RIMKLB: variants seen among roughly 807,000 people sequenced by gnomAD.
The protein encoded by RIMKLB is ribosomal modification protein rimK like family member B.
Under a neutral mutation model 32.0 loss-of-function variants are expected in RIMKLB, and 7 were observed. That is an observed-to-expected ratio of 0.22 (90% CI 0.12 to 0.41). The LOEUF (loss-of-function observed/expected upper bound fraction) is 0.41, where lower values mean the gene tolerates loss of function less well. Ranked by LOEUF, RIMKLB falls within the 10% of genes least tolerant of loss-of-function variation. The pLI is 1.00. For missense variants in RIMKLB, 289 were observed against 498.7 expected, an observed-to-expected ratio of 0.58 and a Z score of 4.00; for synonymous variants, 172 against 185.1, an observed-to-expected ratio of 0.93 and a Z score of 0.57.
At chr12:8,695,201 C>T (rs12319521), upstream of RIMKLB, among the ~76,000 whole-genome samples, 1 of 102,178 alleles carries the variant, frequency 9.8e-6, no homozygotes, top group Non-Finnish European at 2.3e-5. Flanking sequence ...GCCCCCCCGC[C>T]CCGCCCCGCC....
At chr12:8,777,991 A>G (rs1950831258), downstream of RIMKLB, among the ~76,000 whole-genome samples, 1 of 152,228 alleles carries the variant, frequency 6.6e-6, no homozygotes, top group Admixed American at 6.5e-5. Flanking sequence ...TGACTTGGTT[A>G]TGATATACTC....
chr12:8,718,772 C>G (rs1324846938), intron 2 of RIMKLB, among the ~76,000 whole-genome samples: 1 of 151,334 alleles, frequency 6.6e-6, no homozygotes, highest in Non-Finnish European at 1.5e-5. Context: ...ACAGGGATCT[C>G]CTATGTATCC....
intron 2 of RIMKLB, among the ~76,000 whole-genome samples, chr12:8,717,059 T>C (rs1200807735): frequency 7.1e-6 from 1 of 141,574 alleles, no homozygotes; most frequent in Non-Finnish European, 1.5e-5. Context: ...GGGTTTTTCT[T>C]TTTTTTTTTT....
chr12:8,711,723 GGATA>G (rs1229165816), intron 1 of RIMKLB, among the ~76,000 whole-genome samples: 11 of 151,528 alleles, frequency 7.3e-5, no homozygotes, highest in Non-Finnish European at 1.5e-4. Flanking sequence ...GGGGAGCTGG[GGATA>G]TTCTACGTCA....
chr12:8,711,668 C>G (rs750987802), intron 1 of RIMKLB, among the ~76,000 whole-genome samples: 20 of 151,602 alleles, frequency 1.3e-4, no homozygotes, highest in African/African-American at 4.4e-4. Flanking sequence ...ATCCCTCCCC[C>G]CTCCCCCAAA....
intron 1 of RIMKLB, chr12:8,681,865 A>C (rs967075873): frequency 6.6e-6 from 1 of 152,170 alleles, no homozygotes; most frequent in Non-Finnish European, 1.5e-5. Context: ...CTAGCAAATG[A>C]TGGAACTCAA....
At chr12:8,681,935 C>CA (rs1401571420) in intron 1 of RIMKLB, 1 of 152,134 alleles carries the variant, frequency 6.6e-6, no homozygotes, top group Non-Finnish European at 1.5e-5. Context: ...CCGGGACTTT[C>CA]AACTGGCATC....
intron 3 of RIMKLB, among the ~76,000 whole-genome samples, chr12:8,751,320 C>G (rs1032570674): frequency 1.3e-5 from 2 of 152,162 alleles, no homozygotes; most frequent in South Asian, 2.1e-4. Flanking sequence ...GGACTTTTTC[C>G]TGTCTCAGCT....
chr12:8,763,001 G>C (rs1425407278), intron 5 of RIMKLB, among the ~76,000 whole-genome samples: 1 of 152,206 alleles, frequency 6.6e-6, no homozygotes, highest in African/African-American at 2.4e-5. Flanking sequence ...TGCAGCACTG[G>C]CTCTTTAATA....
intron 2 of RIMKLB, among the ~76,000 whole-genome samples, chr12:8,721,498 C>T (rs1591737190): frequency 6.6e-6 from 1 of 152,166 alleles, no homozygotes; most frequent in Non-Finnish European, 1.5e-5. Context: ...ATTGGAATGA[C>T]CATTTGGTCA....
intron 2 of RIMKLB, among the ~76,000 whole-genome samples, chr12:8,716,749 T>TA (rs1491460996): frequency 1.4e-5 from 2 of 140,128 alleles, no homozygotes; most frequent in Admixed American, 1.4e-4. Context: ...TTTTTTTTTT[T>TA]ACTTTGAGAC....
intron 2 of RIMKLB, among the ~76,000 whole-genome samples, chr12:8,731,098 CTT>C (rs1565588955): frequency 7.3e-6 from 1 of 136,760 alleles, no homozygotes; most frequent in African/African-American, 3.1e-5. Flanking sequence ...CACTGTTTCT[CTT>C]TTTCTTTTTC....
intron 2 of RIMKLB, among the ~76,000 whole-genome samples, chr12:8,731,359 A>G (rs769818012): frequency 1.3e-5 from 2 of 152,122 alleles, no homozygotes; most frequent in South Asian, 4.1e-4. Flanking sequence ...CGGCCTCCCA[A>G]AGTGCTGGGA....
intron 2 of RIMKLB, among the ~76,000 whole-genome samples, chr12:8,735,386 T>TGCCCA (rs1206268642): frequency 1.1e-4 from 16 of 152,160 alleles, no homozygotes; most frequent in Non-Finnish European, 1.5e-5. Context: ...CACACCACCA[T>TGCCCA]GCCCAGCTAA....
downstream of RIMKLB, among the ~76,000 whole-genome samples, chr12:8,781,131 A>C (rs1019367069): frequency 6.6e-6 from 1 of 152,232 alleles, no homozygotes; most frequent in Non-Finnish European, 1.5e-5. Context: ...ACCTGAGGTC[A>C]GGAGTTCAAA....
At chr12:8,760,158 T>C (rs1005315180) in intron 5 of RIMKLB, among the ~76,000 whole-genome samples, 1 of 151,940 alleles carries the variant, frequency 6.6e-6, no homozygotes, top group African/African-American at 2.4e-5. Context: ...AGTGTTCTCA[T>C]TGTTCAATTC....
intron 1 of RIMKLB, among the ~76,000 whole-genome samples, chr12:8,701,345 T>C (rs1276854605): frequency 1.3e-5 from 2 of 152,106 alleles, no homozygotes; most frequent in Non-Finnish European, 2.9e-5. Context: ...TGTGTACATG[T>C]TAGGTTTGTA....
At chr12:8,767,291 A>G (rs1208239945) in intron 5 of RIMKLB, among the ~76,000 whole-genome samples, 2 of 152,006 alleles carry the variant, frequency 1.3e-5, no homozygotes, top group East Asian at 1.9e-4. Context: ...GGCCCTGGCA[A>G]GGGTGGTGGG....
At chr12:8,736,875 G>C (rs367696243) in intron 2 of RIMKLB, among the ~76,000 whole-genome samples, 1 of 152,098 alleles carries the variant, frequency 6.6e-6, no homozygotes, top group Non-Finnish European at 1.5e-5. Flanking sequence ...GCAATGGCAC[G>C]ATCTCTGCTC....
Sources: allele counts gnomAD v4.1 joint callset (sites outside exome capture counted in the v4.1 genomes callset), GRCh38; gene constraint gnomAD v4.1.1; transcripts MANE v1.5; gene names NCBI Gene and HGNC (gene_info 2026-07-23, HGNC 2026-07-21).